SLC30A5: variants seen among roughly 807,000 people sequenced by gnomAD.
The protein encoded by SLC30A5 is proton-coupled zinc antiporter SLC30A5.
Under a neutral mutation model 79.6 loss-of-function variants are expected in SLC30A5, and 33 were observed. That is an observed-to-expected ratio of 0.41 (90% confidence interval 0.31 to 0.55). The LOEUF (loss-of-function observed/expected upper bound fraction) is 0.55, where lower values mean the gene tolerates loss of function less well. Ranked by LOEUF, SLC30A5 falls within the 20% of genes least tolerant of loss-of-function variation. SLC30A5 has a pLI of 0.20. For synonymous variants in SLC30A5, 299 were observed against 319.7 expected (o/e 0.94, Z 0.69); for missense variants, 788 against 928.1 (o/e 0.85, Z 1.96).
chr5:69,104,143 T>C lies in SLC30A5; in HGVS notation c.274-488T>C, dbSNP rs978260559. The C allele has an allele frequency of 2.6e-5, 35 of 1,327,498 alleles. No homozygotes were observed. The South Asian group carries it at 3.6e-4, about 14-fold the overall frequency. The allele number at this position is 1,327,498 out of a possible 1,614,324, so 82.2% of individuals were successfully genotyped here. A position where few individuals can be genotyped will look rare whatever the true frequency, so the allele number is the denominator to read the frequency against. On this transcript the variant is annotated intron_variant, in intron 3 of 15. Transcript: ENST00000396591. ...AACAGAATACTGTCCTTTTTTTTTT[T>C]CTTTCTTTTTTTGAGAAAGAGTCTT... is the stretch of plus-strand genomic sequence containing the variant.
At chr5:69,094,482 T>A (rs1335634337) in intron 1 of SLC30A5, 144 bp downstream of exon 1, 5 of 909,518 alleles carry the variant, frequency 5.5e-6, no homozygotes, top group Non-Finnish European at 7.2e-6. Context: ...GCGCGCAGGC[T>A]GCCTCCGGGC....
Position 69,115,930 on chromosome 5 carries a change from A to G in SLC30A5, c.788A>G (p.Lys263Arg). 6.2e-7 allele frequency: 1 copy of G among 1,606,664 alleles called. No individual in the cohort carries two copies. Among genetic ancestry groups the G allele is most frequent in the Non-Finnish European group, 8.5e-7 (1 of 1,176,478 alleles). ...VIVLSVTTES[K>R]VESWFSLIMP... ...ATTCTTTTTTTTAATTTCTAGAGTA[A>G]AGTGGAGTCTTGGTTTTCTCTCATT... The change falls in exon 9 of 16, where the codon AAA becomes AGA. Residue 263 changes from lysine (K) to arginine (R), a missense_variant. Physicochemically the swap from Lys to Arg is conservative, Grantham distance 26 (BLOSUM62 2). Coordinates refer to ENST00000396591, the MANE Select transcript of SLC30A5 (RefSeq NM_022902.5).
chr5:69,106,831 T>C (rs2111955979), intron 4 of SLC30A5, among the ~76,000 whole-genome samples: 1 of 152,302 alleles, frequency 6.6e-6, no homozygotes, highest in South Asian at 2.1e-4. Context: ...TTTATATCCT[T>C]ATTCTGTAAG....
intron 15 of SLC30A5, among the ~76,000 whole-genome samples, chr5:69,128,823 C>A (rs936481455): frequency 3.3e-5 from 5 of 152,146 alleles, no homozygotes; most frequent in African/African-American, 1.2e-4. Context: ...AGAATAGTTA[C>A]TAAAGCCCTG....
chr5:69,125,826 A>T (rs546901429), intron 14 of SLC30A5, among the ~76,000 whole-genome samples: 1 of 120,790 alleles, frequency 8.3e-6, no homozygotes, highest in African/African-American at 3.5e-5. Context: ...AGCCGAGATC[A>T]CGCCACTGCA....
chr5:69,117,133 A>G, intron 10 of SLC30A5, 106 bp from the exon 11 acceptor site: 3 of 861,472 alleles, frequency 3.5e-6, no homozygotes, highest in Non-Finnish European at 5.3e-6. Context: ...ATAACTAAAC[A>G]ATTATAGCAG....
chr5:69,125,907 G>A (rs1746674913), intron 14 of SLC30A5, among the ~76,000 whole-genome samples: 1 of 124,450 alleles, frequency 8.0e-6, no homozygotes, highest in Non-Finnish European at 1.6e-5. Flanking sequence ...TTAGCTGGGT[G>A]TAGTAGTATC....
intron 12 of SLC30A5, among the ~76,000 whole-genome samples, 180 bp from the exon 13 acceptor site, chr5:69,121,514 C>T (rs1435953486): frequency 6.6e-6 from 1 of 152,060 alleles, no homozygotes; most frequent in Non-Finnish European, 1.5e-5. Flanking sequence ...AATGTTTCTT[C>T]TAAAATGTTC....
In SLC30A5 at chr5:69,118,503, G is replaced by T; in HGVS notation, c.1444G>T (p.Gly482Cys). 6.3e-7 allele frequency: 1 copy of T among 1,593,670 alleles called. No homozygotes were observed. Among genetic ancestry groups the T allele is most frequent in the South Asian group, 1.1e-5 (1 of 87,220 alleles). ...KATRIFSYGYGRIEILSGFIN... is the reference protein window; with the variant it reads ...KATRIFSYGYCRIEILSGFIN... ...AAAAATGTTCTATGTTTTTAGGTAC[G>T]GCCGAATAGAAATTCTGTCTGGATT... Residue 482 changes from glycine to cysteine, a missense_variant, in exon 12 of 16, where the codon GGC becomes TGC. Gly to Cys is a radical substitution (Grantham distance 159). This residue lies in a region of SLC30A5 where 626 missense variants were observed against 755.5 expected (regional missense o/e 0.83). Coordinates refer to ENST00000396591, the MANE Select transcript of SLC30A5 (RefSeq NM_022902.5).
intron 5 of SLC30A5, among the ~76,000 whole-genome samples, chr5:69,112,793 T>C (rs570313827): frequency 6.6e-6 from 1 of 152,308 alleles, no homozygotes; most frequent in African/African-American, 2.4e-5. Flanking sequence ...TAAAATAAGT[T>C]CCTACTAGTT....
chr5:69,117,140 G>T, intron 10 of SLC30A5, 99 bp from the exon 11 acceptor site: 1 of 902,088 alleles, frequency 1.1e-6, no homozygotes, highest in Non-Finnish European at 1.7e-6. Flanking sequence ...AACAATTATA[G>T]CAGATCTTCA....
At chr5:69,111,982 A>G (rs966354297) in intron 5 of SLC30A5, among the ~76,000 whole-genome samples, 3 of 152,300 alleles carry the variant, frequency 2.0e-5, no homozygotes, top group African/African-American at 7.2e-5. Context: ...TTATACCTGT[A>G]AATTTGTAAA....
chr5:69,115,167 A>AAAAAAAT, intron 7 of SLC30A5, 70 bp from the exon 8 acceptor site: 1 of 743,904 alleles, frequency 1.3e-6, no homozygotes, highest in Non-Finnish European at 2.1e-6. Context: ...AAAAAAAAAG[A>AAAAAAAT]TCATGTATTT....
chr5:69,116,950 A>T lies in SLC30A5; in HGVS notation c.1282-289A>T, dbSNP rs1746388506. ...TCAGTGTTATAAATCACCTATTGCT[A>T]ACATTTTATAACCTAGTTTATTATT... On this transcript the variant is annotated intron_variant, in intron 10 of 15. Coordinates refer to ENST00000396591, the MANE Select transcript of SLC30A5 (RefSeq NM_022902.5). The surrounding 1 kb of genome is among the most constrained non-coding windows in gnomAD (Gnocchi z 4.0). Among the ~76,000 whole-genome samples the T allele has an allele frequency of 6.6e-6, 1 of 152,232 alleles. No individual in the cohort carries two copies. Among genetic ancestry groups the T allele is most frequent in the African/African-American group, 2.4e-5 (1 of 41,468 alleles).
rs1244920810 is a variant in SLC30A5, at chr5:69,123,430, T to G, written c.1998+5T>G. 1 of 1,601,556 alleles carries G rather than the reference T, an allele frequency of 6.2e-7. No individual in the cohort carries two copies. Among genetic ancestry groups the G allele is most frequent in the African/African-American group, 1.3e-5 (1 of 74,758 alleles). On this transcript the variant is annotated splice_donor_5th_base_variant and intron_variant, in intron 14 of 15. Coordinates refer to ENST00000396591, the MANE Select transcript of SLC30A5 (RefSeq NM_022902.5). ...CTACATATTGCTTTAGAAAAGGTAC[T>G]GTATGTAATTTCTTCACTACTTTCT...
At chr5:69,095,442 G>A (rs956656252) in intron 1 of SLC30A5, among the ~76,000 whole-genome samples, 3 of 152,054 alleles carry the variant, frequency 2.0e-5, no homozygotes, top group African/African-American at 4.8e-5. Context: ...CCTCGTGATC[G>A]GCCTGCCTCG....
chr5:69,115,546 G>T, intron 8 of SLC30A5, 139 bp downstream of exon 8: 2 of 705,732 alleles, frequency 2.8e-6, no homozygotes, highest in Non-Finnish European at 4.3e-6. Context: ...CTTTTTCTTT[G>T]TAGTTTTTTA....
chr5:69,097,009 A>C (rs1366774013), intron 1 of SLC30A5, among the ~76,000 whole-genome samples: 1 of 151,030 alleles, frequency 6.6e-6, no homozygotes, highest in African/African-American at 2.4e-5. Context: ...CAAAAAACCA[A>C]CAACAACAAA....
At position 69,127,674 on chromosome 5, in the gene SLC30A5, G is replaced by A. The variant is rs762011714; in HGVS notation, c.1999-330G>A. Among the ~76,000 whole-genome samples the A allele has an allele frequency of 6.9e-4, 105 of 151,636 alleles. 1 individual carries two copies. The highest frequency in any genetic ancestry group is 4.6e-4 in the Admixed American group (7 of 15,170). ...AAAAACGAACAAAATAAAGATACCT[G>A]TAACACCCATTTGCCTTCCTACTCA... On this transcript the variant is annotated intron_variant, in intron 14 of 15. Transcript: ENST00000396591.
Sources: gnomAD v4.1 joint callset for allele counts (sites outside exome capture counted in the v4.1 genomes callset) on GRCh38, gnomAD v4.1.1 for gene constraint, gnomAD v4.1.1 regional missense constraint, Gnocchi (gnomAD v3.1) non-coding constraint, MANE v1.5 for transcripts, NCBI Gene and HGNC (gene_info 2026-07-23, HGNC 2026-07-21) for gene names.